The following MINAR1 variants were observed in gnomAD, a reference collection of about 807,000 sequenced individuals.
MINAR1 encodes the protein membrane integral NOTCH2 associated receptor 1.
Under a neutral mutation model 65.1 loss-of-function variants are expected in MINAR1, and 40 were observed. The ratio of observed to expected loss-of-function variants is 0.61; its 90% CI spans 0.48 to 0.80. MINAR1 has a LOEUF of 0.80. Among genes scored for constraint, MINAR1 ranks in the 30% least tolerant of loss-of-function variants. MINAR1 has a pLI of 0.00. For missense variants in MINAR1, 1,128 were observed against 1,148.0 expected (o/e 0.98, Z 0.25); for synonymous variants, 482 against 449.1 (o/e 1.07, Z -0.93).
chr15:79,434,025 GGCTACTGGA>G (rs1297540402), intron 1 of MINAR1, among the ~76,000 whole-genome samples: 2 of 152,316 alleles, frequency 1.3e-5, no homozygotes, highest in African/African-American at 2.4e-5. Context: ...GATTTTCTCA[GGCTACTGGA>G]GCCTGGAGGG....
the MINAR1 span, chr15:79,420,244 A>G: frequency 6.6e-6 from 1 of 152,182 alleles, no homozygotes; most frequent in Non-Finnish European, 1.5e-5. Flanking sequence ...TTCTACAGGG[A>G]GAACTTAATA....
rs138495489 is a variant in MINAR1, at chr15:79,456,474, C to T, written c.327C>T (p.Arg109=). The T allele has an allele frequency of 6.0e-4, 976 of 1,614,044 alleles. 3 individuals carry two copies. Among genetic ancestry groups the T allele is most frequent in the South Asian group, 5.2e-3 (472 of 91,084 alleles). ...CCAAGGAGAAGCTGCCCACGGGCCGCCAGAAGGTACGCAAGAAGGAGGCAT... is the reference window on the plus strand; with the variant it reads ...CCAAGGAGAAGCTGCCCACGGGCCGTCAGAAGGTACGCAAGAAGGAGGCAT... ...GAAKEKLPTG[R]QKVRKKEASF... is the part of the protein sequence containing the mutation. The change falls in exon 2 of 4, where the codon CGC becomes CGT. Residue 109 remains arginine (R), a synonymous_variant. Transcript: ENST00000305428.
chr15:79,412,200 G>C, the MINAR1 span: 1 of 152,246 alleles, frequency 6.6e-6, no homozygotes, highest in Admixed American at 6.5e-5. Context: ...GTTTCCGCTG[G>C]GCCCATGGCC....
At position 79,452,548 on chromosome 15, in the gene MINAR1, G is replaced by A. The variant is rs929124670; in HGVS notation, c.-50-3550G>A. On this transcript the variant is annotated intron_variant, in intron 1 of 3. Transcript: ENST00000305428. ...TGACTGGGTGAGTGTGTGGGTGTGT[G>A]TGGGTGAGTCTGTGTGTGTGAGTGT... Among the ~76,000 whole-genome samples, 3 of 139,808 alleles carry A rather than the reference G, an allele frequency of 2.1e-5. No individual in the cohort carries two copies. The Admixed American group carries it at 2.2e-4, about 10-fold the overall frequency. 91.7% of individuals were successfully genotyped at this position (139,808 alleles called of 152,430 possible). A position where few individuals can be genotyped will look rare whatever the true frequency, so the allele number is the denominator to read the frequency against.
intron 3 of MINAR1, among the ~76,000 whole-genome samples, chr15:79,464,844 G>A (rs1895779615): frequency 6.6e-6 from 1 of 151,610 alleles, no homozygotes. Context: ...ACTTCCTGCG[G>A]GCAAGGAGGC....
the MINAR1 span, chr15:79,426,387 C>G: frequency 1.3e-5 from 2 of 152,248 alleles, no homozygotes; most frequent in African/African-American, 4.8e-5. Flanking sequence ...GTTGGCCAAG[C>G]TCGGGCCACT....
In MINAR1 at chr15:79,472,269, AAATAT is replaced by A; in HGVS notation, c.*3889_*3893del. On this transcript the variant is annotated 3_prime_UTR_variant, in exon 4 of 4. Coordinates refer to ENST00000305428, the MANE Select transcript of MINAR1 (RefSeq NM_015206.3). ...GCTATCATGTAAAATTGGCCTCTCCAAATATAATCAGAAATAAACCGAAAAAAATA... is the reference window on the plus strand; with the variant it reads ...GCTATCATGTAAAATTGGCCTCTCCAAATCAGAAATAAACCGAAAAAAATA... 1 of 152,668 alleles carries A rather than the reference AAATAT, an allele frequency of 6.6e-6. No individual in the cohort carries two copies. Among genetic ancestry groups the A allele is most frequent in the Admixed American group, 6.5e-5 (1 of 15,286 alleles). 9.5% of individuals were successfully genotyped at this position (152,668 alleles called of 1,614,324 possible).
rs187446845 is a variant in MINAR1 at position 79,466,856 on chromosome 15, G to A, written c.2554-1331G>A. ...TCTGAAGGGCCAAGGGAAAGGGGCT[G>A]TTTCTGAAACCCACTGAGACCCACA... On this transcript the variant is annotated intron_variant, in intron 3 of 3. Coordinates refer to ENST00000305428, the MANE Select transcript of MINAR1 (RefSeq NM_015206.3). Among the ~76,000 whole-genome samples the A allele has an allele frequency of 4.1e-3, 618 of 152,346 alleles. 2 individuals carry two copies. The highest frequency in any genetic ancestry group is 8.9e-3 in the Admixed American group (136 of 15,308).
At chr15:79,443,154 CAG>C (rs918237387) in intron 1 of MINAR1, among the ~76,000 whole-genome samples, 2 of 152,166 alleles carry the variant, frequency 1.3e-5, no homozygotes, top group African/African-American at 4.8e-5. Flanking sequence ...CACTTAGAAA[CAG>C]AGGGAACAAA....
chr15:79,431,108 G>GC (rs1419343525), upstream of MINAR1, among the ~76,000 whole-genome samples: 1 of 150,392 alleles, frequency 6.6e-6, no homozygotes, highest in East Asian at 2.0e-4. Context: ...AGCCGCCACA[G>GC]CCCCCGAGAG....
intron 2 of MINAR1, among the ~76,000 whole-genome samples, chr15:79,461,603 T>C (rs1895642759): frequency 6.6e-6 from 1 of 152,224 alleles, no homozygotes. Context: ...CATTTTCTTG[T>C]GTGGGTTTAT....
chr15:79,452,824 TGTCA>T (rs1338198767), intron 1 of MINAR1, among the ~76,000 whole-genome samples: 3 of 150,906 alleles, frequency 2.0e-5, no homozygotes, highest in Non-Finnish European at 4.4e-5. Context: ...GGTGTGAAGC[TGTCA>T]GTGTGTCTGC....
chr15:79,418,262 T>C, the MINAR1 span: 3 of 152,182 alleles, frequency 2.0e-5, no homozygotes, highest in Non-Finnish European at 4.4e-5. Context: ...GATCTTCCAT[T>C]TATAGGTAAA....
rs1452557622 is a variant in MINAR1, at chr15:79,432,352, G to T, written c.-239G>T. Among the ~76,000 whole-genome samples the T allele has an allele frequency of 6.6e-6, 1 of 152,176 alleles. No individual in the cohort carries two copies. The highest frequency in any genetic ancestry group is 1.5e-5 in the Non-Finnish European group (1 of 68,024). On this transcript the variant is annotated 5_prime_UTR_variant, in exon 1 of 4. Coordinates refer to ENST00000305428, the MANE Select transcript of MINAR1 (RefSeq NM_015206.3). ...TGTGAGCGCAGACCTGGACTCGGGCGGCGGAGGCGAAAGTCGCTCCATCCG... is the reference window on the plus strand; with the variant it reads ...TGTGAGCGCAGACCTGGACTCGGGCTGCGGAGGCGAAAGTCGCTCCATCCG...
chr15:79,457,830 G>C lies in MINAR1; in HGVS notation c.1683G>C (p.Glu561Asp), dbSNP rs754139028. 2.5e-6 allele frequency: 4 copies of C among 1,614,042 alleles called. No homozygotes were observed. The highest frequency in any genetic ancestry group is 2.5e-6 in the Non-Finnish European group (3 of 1,180,056). Residue 561 changes from glutamate (E) to aspartate (D), a missense_variant, in exon 2 of 4, where the codon GAG becomes GAC. By Grantham distance (45) the Glu-to-Asp change is conservative. Coordinates refer to ENST00000305428, the MANE Select transcript of MINAR1 (RefSeq NM_015206.3). Reference sequence around the variant, plus strand: ...AGTCAGACTGCGACAGTTCCCCTGAGCACAACTTAACCAAAATTGCCAATG... The same window carrying C: ...AGTCAGACTGCGACAGTTCCCCTGACCACAACTTAACCAAAATTGCCAATG... ...LHKSDCDSSP[E>D]HNLTKIANGV...
Position 79,457,065 on chromosome 15 carries a change from G to A in MINAR1, c.918G>A (p.Met306Ile). 6.2e-7 allele frequency: 1 copy of A among 1,614,152 alleles called. No homozygotes were observed. Among genetic ancestry groups the A allele is most frequent in the Non-Finnish European group, 8.5e-7 (1 of 1,180,024 alleles). Residue 306 changes from methionine (M) to isoleucine (I), a missense_variant, in exon 2 of 4, where the codon ATG (methionine) becomes ATA (isoleucine). Coordinates refer to ENST00000305428, the MANE Select transcript of MINAR1 (RefSeq NM_015206.3). ...CCTTCTTCAACCACAGCTTTGAAATGCCCTATAACAGCCAGTACCTGAATC... is the reference window on the plus strand; with the variant it reads ...CCTTCTTCAACCACAGCTTTGAAATACCCTATAACAGCCAGTACCTGAATC... Reference protein sequence around the residue: ...KPPFFNHSFEMPYNSQYLNPV... With the variant: ...KPPFFNHSFEIPYNSQYLNPV...
chr15:79,426,135 A>G, the MINAR1 span: 1 of 152,306 alleles, frequency 6.6e-6, no homozygotes, highest in Non-Finnish European at 1.5e-5. Flanking sequence ...GGGCCAGAGA[A>G]TCAGTATCGG....
intron 3 of MINAR1, among the ~76,000 whole-genome samples, chr15:79,465,833 T>C (rs1895827009): frequency 6.6e-6 from 1 of 151,832 alleles, no homozygotes; most frequent in African/African-American, 2.4e-5. Flanking sequence ...AGACCAGTCT[T>C]CCAGCAAAAT....
chr15:79,441,247 GAGAC>G (rs1403749454), intron 1 of MINAR1, among the ~76,000 whole-genome samples: 3 of 151,988 alleles, frequency 2.0e-5, no homozygotes, highest in African/African-American at 2.4e-5. Context: ...AAACCACCCA[GAGAC>G]AATTATTATT....
Sources: allele counts gnomAD v4.1 joint callset (sites outside exome capture counted in the v4.1 genomes callset), GRCh38; gene constraint gnomAD v4.1.1; transcripts MANE v1.5; gene names NCBI Gene and HGNC (gene_info 2026-07-23, HGNC 2026-07-21).